GRID1: variants seen among roughly 807,000 people sequenced by gnomAD.
GRID1 encodes the protein glutamate receptor ionotropic, delta-1.
Under a neutral mutation model 98.0 loss-of-function variants are expected in GRID1, and 28 were observed. That is an observed-to-expected ratio of 0.29 (90% CI 0.21 to 0.39). GRID1 has a LOEUF of 0.39. Among genes scored for constraint, GRID1 ranks in the 10% least tolerant of loss-of-function variants. The probability of loss-of-function intolerance (pLI) is 1.00; values close to 1 mark genes in which losing one functional copy is unlikely to be tolerated. For synonymous variants in GRID1, 553 were observed against 538.5 expected, an observed-to-expected ratio of 1.03 and a Z score of -0.37; for missense variants, 1,111 against 1,340.5, an observed-to-expected ratio of 0.83 and a Z score of 2.67.
intron 8 of GRID1, among the ~76,000 whole-genome samples, chr10:85,831,753 G>A (rs1219396538): frequency 2.6e-5 from 4 of 151,988 alleles, no homozygotes; most frequent in Non-Finnish European, 5.9e-5. Context: ...ATGAAATAAT[G>A]TTTGAGCTGG....
intron 2 of GRID1, among the ~76,000 whole-genome samples, chr10:86,231,410 T>C (rs1846450438): frequency 6.6e-6 from 1 of 152,110 alleles, no homozygotes; most frequent in Non-Finnish European, 1.5e-5. Context: ...AGGCTCTGGC[T>C]CTAATGGCCC....
At chr10:85,765,921 T>C (rs1302123382) in intron 8 of GRID1, among the ~76,000 whole-genome samples, 1 of 152,190 alleles carries the variant, frequency 6.6e-6, no homozygotes, top group African/African-American at 2.4e-5. Context: ...TTTCCCATGG[T>C]CTAGTTTCAC....
At chr10:85,933,436 T>C (rs1841886212) in intron 4 of GRID1, among the ~76,000 whole-genome samples, 1 of 152,188 alleles carries the variant, frequency 6.6e-6, no homozygotes, top group Non-Finnish European at 1.5e-5. Context: ...CAGGTAGTTT[T>C]TCAATATACT....
At chr10:85,630,766 C>T (rs57189589) in intron 13 of GRID1, among the ~76,000 whole-genome samples, 2,158 of 152,202 alleles carry the variant, frequency 0.014, 39 homozygotes, top group African/African-American at 0.049. Flanking sequence ...CAAGACCCAC[C>T]AAATAAGAGA....
At chr10:86,304,120 G>A (rs997391626) in intron 2 of GRID1, among the ~76,000 whole-genome samples, 2 of 152,120 alleles carry the variant, frequency 1.3e-5, no homozygotes, top group African/African-American at 4.8e-5. Context: ...GGGCCCAAGG[G>A]CCTACCCCAG....
At chr10:86,298,159 T>C (rs903724543) in intron 2 of GRID1, among the ~76,000 whole-genome samples, 2 of 152,210 alleles carry the variant, frequency 1.3e-5, no homozygotes, top group African/African-American at 2.4e-5. Context: ...TAACAAAAGG[T>C]GATGTTTAAA....
Position 86,365,871 on chromosome 10 carries a change from C to G in GRID1, c.79+443G>C, listed in dbSNP as rs1848669380. Among the ~76,000 whole-genome samples, 1 of 152,104 alleles carries G rather than the reference C, an allele frequency of 6.6e-6. No individual in the cohort carries two copies. The highest frequency in any genetic ancestry group is 1.5e-5 in the Non-Finnish European group (1 of 68,020). ...CACAGCGACACACGCTGACAACACG[C>G]ACCCACACACATTCACACACGGTTC... On this transcript the variant is annotated intron_variant, in intron 1 of 15. Coordinates refer to ENST00000327946, the MANE Select transcript of GRID1 (RefSeq NM_017551.3). The surrounding 1 kb of genome is among the most constrained non-coding windows in gnomAD (Gnocchi z 4.8).
chr10:85,689,927 T>C (rs957914500), intron 12 of GRID1, among the ~76,000 whole-genome samples: 10 of 152,198 alleles, frequency 6.6e-5, no homozygotes, highest in Non-Finnish European at 1.3e-4. Context: ...TATGTCCTTT[T>C]GTTGAAATAT....
rs781700063 is a variant in GRID1, at chr10:85,599,803, ATAT to A, written c.*2467_*2469del. On this transcript the variant is annotated 3_prime_UTR_variant, in exon 16 of 16. Coordinates refer to ENST00000327946, the MANE Select transcript of GRID1 (RefSeq NM_017551.3). ...TAGAAAATTCTAAAAAAAAAAAAAA[ATAT>A]ATATATATATATATAAACATGGTGA... The A allele has an allele frequency of 3.1e-4, 12 of 38,500 alleles. No homozygotes were observed. Among genetic ancestry groups the A allele is most frequent in the African/African-American group, 1.6e-3 (11 of 6,820 alleles). The allele number at this position is 38,500 out of a possible 1,614,324, so 2.4% of individuals were successfully genotyped here. A position where few individuals can be genotyped will look rare whatever the true frequency, so the allele number is the denominator to read the frequency against.
intron 4 of GRID1, among the ~76,000 whole-genome samples, chr10:86,044,361 T>G (rs1240308030): frequency 1.3e-5 from 2 of 152,242 alleles, no homozygotes; most frequent in Admixed American, 1.3e-4. Flanking sequence ...GCTTTTGACA[T>G]GCTAGTGAGT....
At chr10:85,648,445 C>CT (rs201623308) in intron 12 of GRID1, among the ~76,000 whole-genome samples, 3,786 of 152,288 alleles carry the variant, frequency 0.025, 55 homozygotes, top group African/African-American at 0.038. Flanking sequence ...CTTGATCACT[C>CT]TTTACTTATT....
At chr10:85,950,784 C>T (rs538866588) in intron 4 of GRID1, among the ~76,000 whole-genome samples, 1 of 152,314 alleles carries the variant, frequency 6.6e-6, no homozygotes, top group East Asian at 1.9e-4. Flanking sequence ...ACAAAGGCTA[C>T]AGTCCTGGTA....
chr10:86,166,779 T>G (rs1309096884), intron 3 of GRID1, among the ~76,000 whole-genome samples: 1 of 152,220 alleles, frequency 6.6e-6, no homozygotes, highest in Non-Finnish European at 1.5e-5. Context: ...CACAGCCATG[T>G]CTAAGCTTTT....
At chr10:85,848,353 G>C (rs1327373327) in intron 8 of GRID1, among the ~76,000 whole-genome samples, 7 of 152,078 alleles carry the variant, frequency 4.6e-5, no homozygotes, top group African/African-American at 1.7e-4. Context: ...GTTTATGACA[G>C]CACTATTCTA....
intron 2 of GRID1, among the ~76,000 whole-genome samples, chr10:86,227,312 T>G (rs946671104): frequency 1.3e-5 from 2 of 152,178 alleles, no homozygotes; most frequent in Non-Finnish European, 2.9e-5. Flanking sequence ...AGGTGGCCCA[T>G]GAGACCAGCA....
At chr10:86,061,804 C>T (rs185866427) in intron 4 of GRID1, among the ~76,000 whole-genome samples, 107 of 152,288 alleles carry the variant, frequency 7.0e-4, no homozygotes, top group Admixed American at 1.4e-3. Flanking sequence ...CTCTATGTCA[C>T]GAGCCTGTTC....
At chr10:86,180,776 A>C (rs1472550825) in intron 3 of GRID1, among the ~76,000 whole-genome samples, 1 of 152,044 alleles carries the variant, frequency 6.6e-6, no homozygotes, top group Non-Finnish European at 1.5e-5. Flanking sequence ...CAGGCCCGGG[A>C]ACTGGGCTGT....
chr10:85,628,356 T>C (rs1478833029), intron 13 of GRID1, among the ~76,000 whole-genome samples: 1 of 152,014 alleles, frequency 6.6e-6, no homozygotes, highest in East Asian at 1.9e-4. Context: ...TGTGTATATG[T>C]ATGTGAGAAT....
chr10:86,217,639 C>T (rs1484040528), intron 2 of GRID1, among the ~76,000 whole-genome samples: 2 of 152,170 alleles, frequency 1.3e-5, no homozygotes, highest in Non-Finnish European at 2.9e-5. Context: ...ATTCCACATG[C>T]CTGCGGGTTT....
Sources: allele counts gnomAD v4.1 joint callset (sites outside exome capture counted in the v4.1 genomes callset), GRCh38; gene constraint gnomAD v4.1.1; non-coding constraint Gnocchi (gnomAD v3.1); transcripts MANE v1.5; gene names NCBI Gene and HGNC (gene_info 2026-07-23, HGNC 2026-07-21).